Variants in COL18A1 observed in about 807,000 individuals in gnomAD.
COL18A1 encodes the protein collagen alpha-1(XVIII) chain.
A neutral mutation model predicts 168.0 loss-of-function variants in COL18A1; 133 were observed. The observed-to-expected ratio is 0.79, with a 90% CI of 0.69 to 0.91. COL18A1 has a LOEUF of 0.91. COL18A1 is among the 40% of genes least tolerant of loss of function. COL18A1 has a pLI of 0.00. For missense variants in COL18A1, 2,126 were observed against 1,925.4 expected, an observed-to-expected ratio of 1.10 and a Z score of -1.95; for synonymous variants, 949 against 809.0, an observed-to-expected ratio of 1.17 and a Z score of -2.94.
At chr21:45,497,509 C>G (rs1019155779) in intron 31 of COL18A1, 90 bp from the exon 32 acceptor site, 3 of 1,501,238 alleles carry the variant, frequency 2.0e-6, no homozygotes, top group African/African-American at 1.4e-5. Flanking sequence ...TCCAGGCCCC[C>G]AGGCACTAGG....
chr21:45,431,734 G>C (rs1055169625), intron 2 of COL18A1, among the ~76,000 whole-genome samples: 3 of 152,060 alleles, frequency 2.0e-5, no homozygotes, highest in South Asian at 4.2e-4. Context: ...TGCGGCTCTC[G>C]GTGTCTGCCA....
At chr21:45,489,454 C>A (rs374080284) in intron 18 of COL18A1, 32 bp from the exon 19 acceptor site, 12 of 1,555,548 alleles carry the variant, frequency 7.7e-6, no homozygotes, top group South Asian at 1.2e-5. Context: ...CTGGCCCCAG[C>A]AGGTGCTCAC....
At chr21:45,418,799 G>C (rs1303540688) in intron 2 of COL18A1, among the ~76,000 whole-genome samples, 1 of 152,196 alleles carries the variant, frequency 6.6e-6, no homozygotes, top group Admixed American at 6.5e-5. Context: ...GGGTTCCCGG[G>C]TCCCTCCCAC....
At chr21:45,439,508 G>T (rs1196927480) in intron 2 of COL18A1, among the ~76,000 whole-genome samples, 5 of 152,266 alleles carry the variant, frequency 3.3e-5, no homozygotes, top group Admixed American at 3.3e-4. Context: ...TGAACTTATT[G>T]GTGAAAGTTG....
chr21:45,452,909 A>G (rs577700522), intron 2 of COL18A1, among the ~76,000 whole-genome samples: 62 of 151,386 alleles, frequency 4.1e-4, no homozygotes, highest in Admixed American at 8.5e-4. Context: ...GCATGTATGT[A>G]CATGTGTGTG....
intron 9 of COL18A1, among the ~76,000 whole-genome samples, chr21:45,479,254 TACAC>T (rs2035797078): frequency 6.6e-6 from 1 of 151,406 alleles, no homozygotes; most frequent in Admixed American, 6.6e-5. Flanking sequence ...CACCACACAT[TACAC>T]ACCACACGTG....
chr21:45,501,004 TGG>T lies in COL18A1; in HGVS notation c.2684-3005_2684-3004del, dbSNP rs2036781355. Among the ~76,000 whole-genome samples the T allele has an allele frequency of 5.8e-4, 13 of 22,352 alleles. 3 individuals are homozygous for T. The highest frequency in any genetic ancestry group is 2.8e-3 in the African/African-American group (10 of 3,536). The allele number at this position is 22,352 out of a possible 152,430, so 14.7% of individuals were successfully genotyped here. Reference sequence around the variant, plus strand: ...TGTGGGGGTGTGGTTTGGTGTGTGTTGGGTGTGGAGTGTGGGGGTGTGGTTTG... The same window carrying T: ...TGTGGGGGTGTGGTTTGGTGTGTGTTGTGTGGAGTGTGGGGGTGTGGTTTG... On this transcript the variant is annotated intron_variant, in intron 32 of 41. Coordinates refer to ENST00000651438, the MANE Select transcript of COL18A1 (RefSeq NM_001379500.1).
At chr21:45,429,253 C>T (rs2033891493) in intron 2 of COL18A1, among the ~76,000 whole-genome samples, 1 of 152,162 alleles carries the variant, frequency 6.6e-6, no homozygotes, top group Non-Finnish European at 1.5e-5. Flanking sequence ...GAGTCTCTTT[C>T]CCTGTCTCCT....
chr21:45,466,947 T>G (rs2035233626), intron 2 of COL18A1, among the ~76,000 whole-genome samples: 2 of 152,244 alleles, frequency 1.3e-5, no homozygotes, highest in South Asian at 4.1e-4. Context: ...GCACTTCTTA[T>G]GAGAAAAAGG....
chr21:45,493,254 C>CTTTGA (rs1305613750), intron 25 of COL18A1, 29 bp downstream of exon 25: 7 of 1,550,532 alleles, frequency 4.5e-6, no homozygotes, highest in Non-Finnish European at 6.1e-6. Flanking sequence ...GTCCCTCAAC[C>CTTTGA]CCCTTTGTGA....
rs114909689 is a variant in COL18A1, at chr21:45,495,994, A to G, written c.2509-506A>G. On this transcript the variant is annotated intron_variant, in intron 29 of 41. Transcript: ENST00000651438. Reference sequence around the variant, plus strand: ...CATGCATACACACCAATACACATATATGCACACATGTGCACCCATATACAC... The same window carrying G: ...CATGCATACACACCAATACACATATGTGCACACATGTGCACCCATATACAC... 894 of 344,666 alleles carry G rather than the reference A, an allele frequency of 2.6e-3. 12 individuals are homozygous for G. The highest frequency in any genetic ancestry group is 0.018 in the African/African-American group (824 of 46,836). 21.4% of individuals were successfully genotyped at this position (344,666 alleles called of 1,614,324 possible). A position where few individuals can be genotyped will look rare whatever the true frequency, so the allele number is the denominator to read the frequency against.
chr21:45,495,411 C>A lies in COL18A1; in HGVS notation c.2487C>A (p.Ala829=). The change falls in exon 29 of 42, where the codon GCC becomes GCA. Residue 829 remains alanine (A), a synonymous_variant. Coordinates refer to ENST00000651438, the MANE Select transcript of COL18A1 (RefSeq NM_001379500.1). ...LKGEKGEPGD[A]SLGFGMRGMP... The stretch of plus-strand genomic sequence containing the variant: ...GAGAGAAAGGGGAGCCGGGAGATGC[C>A]AGCCTTGGATTTGGCATGAGGGTGA... 1 of 1,611,182 alleles carries A rather than the reference C, an allele frequency of 6.2e-7. No homozygotes were observed. Among genetic ancestry groups the A allele is most frequent in the Non-Finnish European group, 8.5e-7 (1 of 1,178,734 alleles).
At chr21:45,493,016 C>T (rs993019451) in intron 24 of COL18A1, 147 bp from the exon 25 acceptor site, 5 of 838,864 alleles carry the variant, frequency 6.0e-6, no homozygotes, top group Non-Finnish European at 9.8e-6. Context: ...CTGCAGTGTC[C>T]AGAGTGAGGC....
intron 2 of COL18A1, among the ~76,000 whole-genome samples, chr21:45,460,096 C>T (rs115134652): frequency 8.6e-5 from 13 of 151,406 alleles, no homozygotes; most frequent in Non-Finnish European, 1.3e-4. Flanking sequence ...GACACGTGTG[C>T]GTGCCGCAAG....
chr21:45,419,475 A>G (rs1264340326), intron 2 of COL18A1, among the ~76,000 whole-genome samples: 1 of 152,182 alleles, frequency 6.6e-6, no homozygotes, highest in Non-Finnish European at 1.5e-5. Context: ...TCCTGGGGCC[A>G]CTGGGTGCTC....
chr21:45,507,915 C>T (rs902496046), intron 38 of COL18A1, among the ~76,000 whole-genome samples: 3 of 152,210 alleles, frequency 2.0e-5, no homozygotes, highest in African/African-American at 7.2e-5. Context: ...TGTGTCTTTG[C>T]CTTCCCTCAC....
chr21:45,416,805 G>A (rs963452923), intron 2 of COL18A1, among the ~76,000 whole-genome samples: 7 of 152,090 alleles, frequency 4.6e-5, no homozygotes, highest in African/African-American at 1.7e-4. Context: ...TTTATCCCCA[G>A]CCCCAGCGCC....
intron 2 of COL18A1, among the ~76,000 whole-genome samples, chr21:45,453,169 G>A (rs553355325): frequency 6.6e-6 from 1 of 151,928 alleles, no homozygotes; most frequent in South Asian, 2.1e-4. Context: ...GAGCATGTAT[G>A]TGTGTGTGAT....
At chr21:45,468,070 G>A (rs2035278823) in intron 2 of COL18A1, among the ~76,000 whole-genome samples, 172 bp from the exon 3 acceptor site, 1 of 152,208 alleles carries the variant, frequency 6.6e-6, no homozygotes, top group South Asian at 2.1e-4. Flanking sequence ...GAACCAGGGT[G>A]GCCGTTGGGT....
Sources: allele counts gnomAD v4.1 joint callset (sites outside exome capture counted in the v4.1 genomes callset), GRCh38; gene constraint gnomAD v4.1.1; transcripts MANE v1.5; gene names NCBI Gene and HGNC (gene_info 2026-07-23, HGNC 2026-07-21).